SCN1A: variants seen among roughly 807,000 people sequenced by gnomAD.
SCN1A encodes sodium channel protein type 1 subunit alpha.
Under a neutral mutation model 193.7 loss-of-function variants are expected in SCN1A, and 13 were observed. The ratio of observed to expected loss-of-function variants is 0.07; its 90% CI spans 0.04 to 0.11. The LOEUF is 0.11. SCN1A is among the 10% of genes least tolerant of loss of function. The pLI is 1.00. For missense variants in SCN1A, 1,432 were observed against 2,451.1 expected, an observed-to-expected ratio of 0.58 and a Z score of 8.78; for synonymous variants, 781 against 843.6, an observed-to-expected ratio of 0.93 and a Z score of 1.29.
chr2:166,114,549 T>C (rs1305853591), intron 2 of SCN1A, among the ~76,000 whole-genome samples: 1 of 152,194 alleles, frequency 6.6e-6, no homozygotes, highest in Non-Finnish European at 1.5e-5. Context: ...CTGTTTTCCT[T>C]AATCAAGAAA....
chr2:166,134,843 C>G (rs1389648136), intron 1 of SCN1A, among the ~76,000 whole-genome samples: 1 of 152,094 alleles, frequency 6.6e-6, no homozygotes, highest in Admixed American at 6.6e-5. Context: ...TTAAATGTAT[C>G]AAGATTTCAT....
intron 2 of SCN1A, among the ~76,000 whole-genome samples, chr2:166,115,042 A>T (rs1689698162): frequency 6.6e-6 from 1 of 152,242 alleles, no homozygotes; most frequent in Admixed American, 6.5e-5. Flanking sequence ...ATAATTTGCT[A>T]ATAATTAGAC....
At chr2:166,015,499 T>C in intron 20 of SCN1A, 108 bp downstream of exon 20, 1 of 1,320,358 alleles carries the variant, frequency 7.6e-7, no homozygotes, top group South Asian at 1.2e-5. Context: ...GATTGAATTA[T>C]ATCTATTACA....
At chr2:166,073,924 G>A (rs547664924) in intron 3 of SCN1A, among the ~76,000 whole-genome samples, 20 of 152,224 alleles carry the variant, frequency 1.3e-4, no homozygotes, top group Non-Finnish European at 2.4e-4. Context: ...TTCAAATATG[G>A]CCTTAATCAA....
intron 15 of SCN1A, 113 bp from the exon 16 acceptor site, chr2:166,041,582 G>A (rs913066372): frequency 1.3e-6 from 1 of 782,576 alleles, no homozygotes; most frequent in Non-Finnish European, 2.1e-6. Context: ...TTGTTACAGA[G>A]ACAACCTTTT....
rs766060818 is a variant in SCN1A at position 166,002,652 on chromosome 2, C to T, written c.4104G>A (p.Leu1368=). 1.2e-6 allele frequency: 2 copies of T among 1,611,872 alleles called. No individual in the cohort carries two copies. Among genetic ancestry groups the T allele is most frequent in the South Asian group, 1.1e-5 (1 of 91,010 alleles). ...TACAGTGGTAGAATTTGCCAGCAAA[C>T]AAATTTACGCCCATGATGCTGAAAA... ...WLIFSIMGVN[L]FAGKFYHCIN... Residue 1368 remains leucine (L), a synonymous_variant, in exon 24 of 29, where the codon TTG becomes TTA. Coordinates refer to ENST00000674923, the MANE Select transcript of SCN1A (RefSeq NM_001165963.4).
intron 11 of SCN1A, among the ~76,000 whole-genome samples, 190 bp from the exon 12 acceptor site, chr2:166,047,166 A>G (rs560528464): frequency 6.6e-6 from 1 of 152,042 alleles, no homozygotes; most frequent in East Asian, 1.9e-4. Flanking sequence ...TTATGCATTC[A>G]CACTATGATT....
At chr2:166,033,310 T>C (rs1695879771) in intron 19 of SCN1A, among the ~76,000 whole-genome samples, 1 of 152,126 alleles carries the variant, frequency 6.6e-6, no homozygotes, top group Non-Finnish European at 1.5e-5. Context: ...AACCAAGTGG[T>C]TGCATTCTAA....
At chr2:166,056,685 C>T (rs976876184) in intron 5 of SCN1A, among the ~76,000 whole-genome samples, 185 bp from the exon 6 acceptor site, 2 of 152,068 alleles carry the variant, frequency 1.3e-5, no homozygotes, top group African/African-American at 2.4e-5. Flanking sequence ...AATAATATCA[C>T]CTTCACTGAG....
At chr2:166,054,799 T>A in intron 6 of SCN1A, 33 bp from the exon 7 acceptor site, 1 of 1,601,384 alleles carries the variant, frequency 6.2e-7, no homozygotes, top group Non-Finnish European at 8.5e-7. Context: ...TTTGATAAAG[T>A]AACAGTGTTT....
intron 4 of SCN1A, among the ~76,000 whole-genome samples, chr2:166,063,499 G>T (rs1683531898): frequency 6.6e-6 from 1 of 152,058 alleles, no homozygotes; most frequent in Non-Finnish European, 1.5e-5. Flanking sequence ...TACAATATTT[G>T]CAATGCCCTG....
chr2:166,014,030 G>A (rs1692919801), intron 20 of SCN1A, 132 bp from the exon 21 acceptor site: 2 of 1,055,240 alleles, frequency 1.9e-6, no homozygotes, highest in Admixed American at 3.6e-5. Flanking sequence ...TAAGCCTAGA[G>A]TAGTAAGAGC....
At chr2:166,143,788 CA>C (rs1459442652) in intron 1 of SCN1A, among the ~76,000 whole-genome samples, 1 of 152,010 alleles carries the variant, frequency 6.6e-6, no homozygotes, top group African/African-American at 2.4e-5. Flanking sequence ...GGAGGTTTCT[CA>C]AAAAACTTTG....
At chr2:166,005,579 A>G (rs1378151408) in intron 23 of SCN1A, among the ~76,000 whole-genome samples, 1 of 151,408 alleles carries the variant, frequency 6.6e-6, no homozygotes, top group East Asian at 1.9e-4. Flanking sequence ...CTTAGAAAAC[A>G]TCTGGCACAG....
chr2:166,117,498 A>G (rs1007314448), intron 2 of SCN1A, among the ~76,000 whole-genome samples: 6 of 152,188 alleles, frequency 3.9e-5, no homozygotes, highest in Admixed American at 3.9e-4. Context: ...GAATACAATG[A>G]CAGTATAGTT....
upstream of SCN1A, among the ~76,000 whole-genome samples, chr2:166,131,512 T>C (rs1225645955): frequency 1.3e-5 from 2 of 152,146 alleles, no homozygotes; most frequent in Non-Finnish European, 2.9e-5. Flanking sequence ...TGTCAATAGA[T>C]TTTGGGTATT....
rs1404949008 is a variant in SCN1A at position 166,010,723 on chromosome 2, T to G, written c.3880-882A>C. Among the ~76,000 whole-genome samples the G allele has an allele frequency of 9.3e-5, 14 of 151,186 alleles. No homozygotes were observed. The East Asian group carries it at 2.7e-3, about 29-fold the overall frequency. ...TAAACTTTTCTTTTTTAAAATGTAT[T>G]AATTGTATCATATTTAATATACTTC... On this transcript the variant is annotated intron_variant, in intron 22 of 28. Coordinates refer to ENST00000674923, the MANE Select transcript of SCN1A (RefSeq NM_001165963.4).
At chr2:166,088,428 A>G (rs1686385266) in intron 2 of SCN1A, among the ~76,000 whole-genome samples, 1 of 152,212 alleles carries the variant, frequency 6.6e-6, no homozygotes, top group Non-Finnish European at 1.5e-5. Flanking sequence ...TGCTAAAGAA[A>G]AAAATGCATG....
intron 7 of SCN1A, 105 bp downstream of exon 7, chr2:166,054,533 C>T: frequency 3.2e-6 from 4 of 1,236,674 alleles, no homozygotes; most frequent in South Asian, 2.5e-5. Flanking sequence ...ATGTATAAAT[C>T]ACACCAAAAT....
Sources: gnomAD v4.1 joint callset for allele counts (sites outside exome capture counted in the v4.1 genomes callset) on GRCh38, gnomAD v4.1.1 for gene constraint, MANE v1.5 for transcripts, NCBI Gene and HGNC (gene_info 2026-07-23, HGNC 2026-07-21) for gene names.